The following JCAD variants were observed in gnomAD, a reference collection of about 807,000 sequenced individuals.
JCAD encodes junctional cadherin 5 associated, also known as junctional cadherin 5-associated protein.
JCAD carries 40 observed loss-of-function variants against 98.0 expected under a neutral mutation model. The ratio of observed to expected loss-of-function variants is 0.41; its 90% CI spans 0.32 to 0.53. The LOEUF (loss-of-function observed/expected upper bound fraction) is 0.53. JCAD is among the 20% of genes least tolerant of loss of function. The pLI, the probability that JCAD is intolerant of heterozygous loss-of-function variation, is 0.31. For missense variants in JCAD, 1,705 were observed against 1,738.1 expected (o/e 0.98, Z 0.34); for synonymous variants, 691 against 682.3 (o/e 1.01, Z -0.20).
At chr10:30,108,756 C>T (rs531435812) in intron 1 of JCAD, among the ~76,000 whole-genome samples, 1 of 151,540 alleles carries the variant, frequency 6.6e-6, no homozygotes, top group Non-Finnish European at 1.5e-5. Context: ...GCCTAGCTAA[C>T]AAATGCCTTC....
intron 1 of JCAD, among the ~76,000 whole-genome samples, chr10:30,100,255 G>A (rs529564722): frequency 2.0e-5 from 3 of 151,978 alleles, no homozygotes; most frequent in Non-Finnish European, 2.9e-5. Context: ...CATAGAGAAG[G>A]GTTGATATTC....
chr10:30,028,809 T>G lies in JCAD; in HGVS notation c.1339A>C (p.Lys447Gln). 6.2e-7 allele frequency: 1 copy of G among 1,614,200 alleles called. No homozygotes were observed. ...AQPQGFCEDIKLDDKSYNSSP... is the reference protein window; with the variant it reads ...AQPQGFCEDIQLDDKSYNSSP... ...GAGTTATATGATTTATCGTCAAGCT[T>G]TATGTCTTCACAGAAACCCTGGGGC... The change falls in exon 3 of 4, where the codon AAG becomes CAG. Residue 447 changes from lysine to glutamine, a missense_variant. This residue lies in a region of JCAD where 1,278 missense variants were observed against 1,243.1 expected (regional missense o/e 1.03). Coordinates refer to ENST00000375377, the MANE Select transcript of JCAD (RefSeq NM_020848.4).
intron 2 of JCAD, among the ~76,000 whole-genome samples, chr10:30,032,539 G>C (rs992292513): frequency 1.3e-5 from 2 of 152,186 alleles, no homozygotes; most frequent in Non-Finnish European, 2.9e-5. Flanking sequence ...CATGGGCCGG[G>C]CTGACTTGAA....
intron 1 of JCAD, among the ~76,000 whole-genome samples, chr10:30,101,303 G>C (rs1588655351): frequency 1.3e-5 from 2 of 152,222 alleles, no homozygotes; most frequent in Middle Eastern, 3.4e-3. Flanking sequence ...CAGCTACTCG[G>C]GAGGCTGAAG....
intron 1 of JCAD, among the ~76,000 whole-genome samples, chr10:30,103,380 C>T (rs1838503259): frequency 6.6e-6 from 1 of 152,150 alleles, no homozygotes; most frequent in South Asian, 2.1e-4. Flanking sequence ...GTAGAATTAT[C>T]ATATGATCCG....
chr10:30,088,505 T>C (rs1030777579), intron 1 of JCAD, among the ~76,000 whole-genome samples: 1 of 152,152 alleles, frequency 6.6e-6, no homozygotes, highest in Non-Finnish European at 1.5e-5. Flanking sequence ...GTTTGGGAGA[T>C]AGCAAGATAA....
intron 1 of JCAD, among the ~76,000 whole-genome samples, chr10:30,085,171 T>C (rs745495038): frequency 3.1e-4 from 47 of 152,188 alleles, no homozygotes; most frequent in Non-Finnish European, 5.7e-4. Flanking sequence ...TTTCCCTATT[T>C]CAAAGGAGTA....
At chr10:30,049,227 A>C (rs1227947779) in intron 1 of JCAD, among the ~76,000 whole-genome samples, 1 of 152,186 alleles carries the variant, frequency 6.6e-6, no homozygotes, top group East Asian at 1.9e-4. Context: ...AGAGACACAC[A>C]AAAGCCACAA....
At chr10:30,094,456 A>G (rs1379225488) in intron 1 of JCAD, among the ~76,000 whole-genome samples, 1 of 152,128 alleles carries the variant, frequency 6.6e-6, no homozygotes, top group African/African-American at 2.4e-5. Context: ...TCTCAAAACA[A>G]AAACAAAAAC....
upstream of JCAD, among the ~76,000 whole-genome samples, chr10:30,063,894 G>A (rs773226798): frequency 4.6e-5 from 7 of 151,326 alleles, no homozygotes; most frequent in South Asian, 2.1e-4. Flanking sequence ...TGCAACCTCC[G>A]CGTCAGGGTT....
chr10:30,019,946 A>G (rs2132601913), intron 3 of JCAD, among the ~76,000 whole-genome samples: 1 of 152,266 alleles, frequency 6.6e-6, no homozygotes, highest in South Asian at 2.1e-4. Context: ...GAAAAAGGAA[A>G]AAAAACAGCA....
chr10:30,115,068 C>A (rs1046349100), intron 1 of JCAD, among the ~76,000 whole-genome samples: 1 of 152,166 alleles, frequency 6.6e-6, no homozygotes, highest in African/African-American at 2.4e-5. Context: ...TGAATAAGAC[C>A]AACCGACTGT....
intron 1 of JCAD, among the ~76,000 whole-genome samples, chr10:30,070,743 A>T (rs1189324292): frequency 2.6e-5 from 4 of 152,198 alleles, no homozygotes; most frequent in African/African-American, 9.7e-5. Context: ...CTATTCAGAA[A>T]CAAAACCAAT....
At chr10:30,112,104 A>T (rs1015423464) in intron 1 of JCAD, among the ~76,000 whole-genome samples, 1 of 152,210 alleles carries the variant, frequency 6.6e-6, no homozygotes, top group African/African-American at 2.4e-5. Flanking sequence ...TGTGATATAT[A>T]CACACAATGG....
chr10:30,115,474 G>A (rs941432501), exon 1 of JCAD: 34 of 152,288 alleles, frequency 2.2e-4, no homozygotes, highest in African/African-American at 6.0e-4. Context: ...TCCTCCGATA[G>A]CAGCTCTAAG....
At chr10:30,034,481 C>T (rs11007869) in intron 2 of JCAD, among the ~76,000 whole-genome samples, 63,857 of 151,966 alleles carry the variant, frequency 0.42, 13,787 homozygotes, top group African/African-American at 0.52. Flanking sequence ...TTCTGTGTTG[C>T]TTTTGTTGTC....
chr10:30,021,000 C>G (rs1749812129), intron 3 of JCAD, among the ~76,000 whole-genome samples: 1 of 152,206 alleles, frequency 6.6e-6, no homozygotes, highest in African/African-American at 2.4e-5. Context: ...CTTCGAGACC[C>G]TTACTATCTG....
At chr10:30,049,555 G>A (rs564228388) in intron 1 of JCAD, among the ~76,000 whole-genome samples, 1 of 152,316 alleles carries the variant, frequency 6.6e-6, no homozygotes, top group South Asian at 2.1e-4. Context: ...TATGGAAGCT[G>A]ACAAGCTCTG....
chr10:30,112,778 A>G (rs1838727130), intron 1 of JCAD, among the ~76,000 whole-genome samples: 1 of 151,496 alleles, frequency 6.6e-6, no homozygotes, highest in Admixed American at 6.6e-5. Context: ...AAGCTGAGAC[A>G]GGAGAATTGC....
Sources: allele counts gnomAD v4.1 joint callset (sites outside exome capture counted in the v4.1 genomes callset), GRCh38; gene constraint gnomAD v4.1.1; regional missense constraint gnomAD v4.1.1; transcripts MANE v1.5; gene names NCBI Gene and HGNC (gene_info 2026-07-23, HGNC 2026-07-21).